CSMD1: variants seen among roughly 807,000 people sequenced by gnomAD.
The protein encoded by CSMD1 is CUB and Sushi multiple domains 1.
A neutral mutation model predicts 417.5 loss-of-function variants in CSMD1; 213 were observed. The observed-to-expected ratio is 0.51, with a 90% CI of 0.46 to 0.57. The LOEUF is 0.57. CSMD1 is among the 20% of genes least tolerant of loss of function. The probability of loss-of-function intolerance (pLI) is 0.00; values close to 1 mark genes in which losing one functional copy is unlikely to be tolerated. For missense variants in CSMD1, 6,923 were observed against 4,529.7 expected, an observed-to-expected ratio of 1.53 and a Z score of -15.17; for synonymous variants, 2,862 against 1,736.8, an observed-to-expected ratio of 1.65 and a Z score of -16.11.
chr8:3,101,426 G>C, intron 46 of CSMD1, among the ~76,000 whole-genome samples: 1 of 152,126 alleles, frequency 6.6e-6, no homozygotes, highest in East Asian at 1.9e-4. Flanking sequence ...ATATAAGGCT[G>C]ACTACTTTTT....
At chr8:4,529,787 T>C (rs1796698484) in intron 2 of CSMD1, among the ~76,000 whole-genome samples, 1 of 151,624 alleles carries the variant, frequency 6.6e-6, no homozygotes, top group Non-Finnish European at 1.5e-5. Context: ...ACTGCTGCCG[T>C]AGAAAATCTT....
At chr8:4,724,627 G>GA (rs1440305844) in intron 1 of CSMD1, among the ~76,000 whole-genome samples, 1 of 151,048 alleles carries the variant, frequency 6.6e-6, no homozygotes, top group Non-Finnish European at 1.5e-5. Flanking sequence ...ATATTATTTG[G>GA]AAAAAATAAA....
At chr8:4,161,046 A>G (rs1224859640) in intron 3 of CSMD1, among the ~76,000 whole-genome samples, 1 of 152,102 alleles carries the variant, frequency 6.6e-6, no homozygotes, top group Admixed American at 6.5e-5. Context: ...CTTCTTAAAA[A>G]CTGAGCAGTC....
intron 5 of CSMD1, among the ~76,000 whole-genome samples, chr8:3,955,760 T>G (rs1019182131): frequency 6.6e-6 from 1 of 152,164 alleles, no homozygotes; most frequent in Non-Finnish European, 1.5e-5. Context: ...GTCAAATACA[T>G]AGAAACCCAG....
At chr8:2,981,829 T>A (rs1046692027) in intron 54 of CSMD1, among the ~76,000 whole-genome samples, 5 of 152,108 alleles carry the variant, frequency 3.3e-5, no homozygotes, top group Admixed American at 6.5e-5. Context: ...TAGAAATACA[T>A]AAGAATCAGG....
rs1297653563 is a variant in CSMD1 at position 3,284,004 on chromosome 8, A to T, written c.4153+140T>A. The T allele has an allele frequency of 4.0e-6, 3 of 759,142 alleles. No homozygotes were observed. The East Asian group carries it at 8.1e-5, about 20-fold the overall frequency. The allele number at this position is 759,142 out of a possible 1,614,324, so 47.0% of individuals were successfully genotyped here. On this transcript the variant is annotated intron_variant, in intron 26 of 69. Transcript: ENST00000635120. ...GGGGAAGAGAACTCTTCTCTGCAAC[A>T]TGCATTTTCCTAACTTCAAATTAGG...
chr8:4,605,438 G>A (rs991806640), intron 2 of CSMD1, among the ~76,000 whole-genome samples: 4 of 152,064 alleles, frequency 2.6e-5, no homozygotes, highest in African/African-American at 9.7e-5. Context: ...AGACTATAAT[G>A]GTCCCCAGAA....
At chr8:4,733,681 A>G (rs1455244011) in intron 1 of CSMD1, among the ~76,000 whole-genome samples, 1 of 152,230 alleles carries the variant, frequency 6.6e-6, no homozygotes, top group Non-Finnish European at 1.5e-5. Context: ...TTCACTGACT[A>G]CCTATTTTTC....
intron 23 of CSMD1, among the ~76,000 whole-genome samples, chr8:3,331,125 C>G (rs1184652052): frequency 1.3e-5 from 2 of 151,624 alleles, no homozygotes; most frequent in Admixed American, 1.3e-4. Context: ...GTAGTCCCAG[C>G]TATTCAGGAG....
At chr8:4,181,921 A>C (rs1232514820) in intron 3 of CSMD1, among the ~76,000 whole-genome samples, 1 of 150,258 alleles carries the variant, frequency 6.7e-6, no homozygotes, top group African/African-American at 2.5e-5. Context: ...ACAAGTACTT[A>C]GTACTTTGCT....
intron 5 of CSMD1, among the ~76,000 whole-genome samples, chr8:3,922,554 G>C (rs756121419): frequency 4.0e-5 from 6 of 151,832 alleles, no homozygotes; most frequent in African/African-American, 9.7e-5. Flanking sequence ...TAGAGTTTTT[G>C]ATTTTTGTTC....
intron 3 of CSMD1, among the ~76,000 whole-genome samples, chr8:4,109,975 G>C (rs1243344442): frequency 3.9e-5 from 6 of 152,044 alleles, no homozygotes; most frequent in Non-Finnish European, 8.8e-5. Context: ...AAAAGTCCAA[G>C]GACTAACTAG....
chr8:4,080,377 A>C (rs1800067322), intron 3 of CSMD1, among the ~76,000 whole-genome samples: 1 of 152,240 alleles, frequency 6.6e-6, no homozygotes, highest in Admixed American at 6.5e-5. Flanking sequence ...AACAGGTATC[A>C]GAATTCTACA....
At chr8:3,574,803 A>C in intron 10 of CSMD1, 142 bp downstream of exon 10, 2 of 902,390 alleles carry the variant, frequency 2.2e-6, no homozygotes, top group Non-Finnish European at 3.3e-6. Context: ...TGTGGCATCT[A>C]GACACAGGAT....
chr8:4,045,878 G>C (rs1011842989), intron 3 of CSMD1, among the ~76,000 whole-genome samples: 31 of 151,370 alleles, frequency 2.0e-4, no homozygotes, highest in Middle Eastern at 3.4e-3. Context: ...TTTTTAATTA[G>C]AGTTTTTATG....
At chr8:4,921,490 T>C (rs372447854) in intron 1 of CSMD1, among the ~76,000 whole-genome samples, 2 of 152,242 alleles carry the variant, frequency 1.3e-5, no homozygotes, top group East Asian at 1.9e-4. Context: ...CAGTATTCTC[T>C]GTATGTAAGT....
intron 3 of CSMD1, among the ~76,000 whole-genome samples, chr8:4,102,780 G>A (rs768461018): frequency 6.6e-6 from 1 of 152,134 alleles, no homozygotes; most frequent in African/African-American, 2.4e-5. Context: ...ACAACAAAAG[G>A]AAGATGATTT....
chr8:4,191,423 AAAC>A lies in CSMD1; in HGVS notation c.416-159327_416-159325del, dbSNP rs560181122. ...AAAAAACAAAAAACAAAACAAAACA[AAAC>A]AAAAAACACAAAAAACAAACTAAAA... On this transcript the variant is annotated intron_variant, in intron 3 of 69. Coordinates refer to ENST00000635120, the MANE Select transcript of CSMD1 (RefSeq NM_033225.6). Among the ~76,000 whole-genome samples the A allele has an allele frequency of 4.9e-3, 749 of 152,168 alleles. 5 individuals are homozygous for A. The highest frequency in any genetic ancestry group is 0.017 in the African/African-American group (708 of 41,516).
intron 23 of CSMD1, among the ~76,000 whole-genome samples, chr8:3,325,682 G>A (rs1270149105): frequency 6.6e-6 from 1 of 152,124 alleles, no homozygotes; most frequent in Non-Finnish European, 1.5e-5. Context: ...AAGTTAGCTG[G>A]GCATGGTGGC....
Sources: allele counts gnomAD v4.1 joint callset (sites outside exome capture counted in the v4.1 genomes callset), GRCh38; gene constraint gnomAD v4.1.1; transcripts MANE v1.5; gene names NCBI Gene and HGNC (gene_info 2026-07-23, HGNC 2026-07-21).